SULT1B1: variants seen among roughly 807,000 people sequenced by gnomAD.
The protein encoded by SULT1B1 is sulfotransferase 1B1.
Under a neutral mutation model 34.6 loss-of-function variants are expected in SULT1B1, and 28 were observed. The ratio of observed to expected loss-of-function variants is 0.81; its 90% CI spans 0.60 to 1.11. The LOEUF (loss-of-function observed/expected upper bound fraction) is 1.11. Among genes scored for constraint, SULT1B1 ranks in the 50% least tolerant of loss-of-function variants. The pLI, the probability that SULT1B1 is intolerant of heterozygous loss-of-function variation, is 0.00. For missense variants in SULT1B1, 374 were observed against 352.2 expected, an observed-to-expected ratio of 1.06 and a Z score of -0.50; for synonymous variants, 147 against 110.2, an observed-to-expected ratio of 1.33 and a Z score of -2.09.
chr4:69,733,211 G>C (rs533045399), intron 6 of SULT1B1, among the ~76,000 whole-genome samples: 1 of 152,178 alleles, frequency 6.6e-6, no homozygotes, highest in East Asian at 1.9e-4. Flanking sequence ...CAGTGGCTAA[G>C]AAATAAGAGG....
intron 3 of SULT1B1, among the ~76,000 whole-genome samples, chr4:69,751,459 T>C (rs1718977423): frequency 6.6e-6 from 1 of 152,218 alleles, no homozygotes; most frequent in Non-Finnish European, 1.5e-5. Flanking sequence ...AGTTTGTTTG[T>C]TTGTTTATTT....
chr4:69,759,419 A>G (rs1719312566), intron 1 of SULT1B1, among the ~76,000 whole-genome samples: 1 of 152,220 alleles, frequency 6.6e-6, no homozygotes, highest in Non-Finnish European at 1.5e-5. Context: ...CCCCGTGACA[A>G]AAAGGTCAGG....
At position 69,725,485 on chromosome 4, in the gene SULT1B1, T is replaced by C. The variant is rs1423552683; in HGVS notation, c.*1603A>G. 1 of 152,112 alleles carries C rather than the reference T, an allele frequency of 6.6e-6. No individual in the cohort carries two copies. Among genetic ancestry groups the C allele is most frequent in the Non-Finnish European group, 1.5e-5 (1 of 68,008 alleles). 9.4% of individuals were successfully genotyped at this position (152,112 alleles called of 1,614,324 possible). A position where few individuals can be genotyped will look rare whatever the true frequency, so the allele number is the denominator to read the frequency against. On this transcript the variant is annotated 3_prime_UTR_variant, in exon 8 of 8. Transcript: ENST00000310613. ...TGGCAATTCCTCAGAGATCTAGAAC[T>C]AGAAATACCATTTGACCCAGCCATC...
At chr4:69,747,124 G>A (rs1330825154) in intron 4 of SULT1B1, among the ~76,000 whole-genome samples, 2 of 152,184 alleles carry the variant, frequency 1.3e-5, no homozygotes, top group Non-Finnish European at 2.9e-5. Context: ...AATCAGGGAT[G>A]CTGGCAAAAG....
In SULT1B1 at chr4:69,749,764, G is replaced by T; in HGVS notation, c.332C>A (p.Pro111Gln). Residue 111 changes from proline (P) to glutamine (Q), a missense_variant, in exon 4 of 8, where the codon CCG (proline) becomes CAG (glutamine). Pro to Gln is a moderately conservative substitution (Grantham distance 76). Coordinates refer to ENST00000310613, the MANE Select transcript of SULT1B1 (RefSeq NM_014465.4). ...PSPRIVKTHL[P>Q]TDLLPKSFWE... Reference sequence around the variant, plus strand: ...GAAAGATTTAGGAAGAAGATCAGTCGGTAGATGTGTTTTCACAATCCGGGG... The same window carrying T: ...GAAAGATTTAGGAAGAAGATCAGTCTGTAGATGTGTTTTCACAATCCGGGG... The T allele has an allele frequency of 6.2e-7, 1 of 1,613,568 alleles. No individual in the cohort carries two copies.
In SULT1B1 at chr4:69,725,511, C is replaced by T. The variant is rs1717800393; in HGVS notation, c.*1577G>A. ...AGAAATACCATTTGACCCAGCCATC[C>T]CATTACTGGGTATATACCCAAAGGA... On this transcript the variant is annotated 3_prime_UTR_variant, in exon 8 of 8. Transcript: ENST00000310613. The T allele has an allele frequency of 6.6e-6, 1 of 152,102 alleles. No individual in the cohort carries two copies. The highest frequency in any genetic ancestry group is 2.4e-5 in the African/African-American group (1 of 41,404). The allele number at this position is 152,102 out of a possible 1,614,324, so 9.4% of individuals were successfully genotyped here. A position where few individuals can be genotyped will look rare whatever the true frequency, so the allele number is the denominator to read the frequency against.
rs1447780113 is a variant in SULT1B1, at chr4:69,724,251, G to T, written c.*2837C>A. 5.9e-5 allele frequency: 9 copies of T among 152,054 alleles called. No homozygotes were observed. Among genetic ancestry groups the T allele is most frequent in the African/African-American group, 9.6e-5 (4 of 41,488 alleles). 9.4% of individuals were successfully genotyped at this position (152,054 alleles called of 1,614,324 possible). ...CAATAACAGACAGAGAGCCAAATCA[G>T]GAGTGAACTCCCATTCACAATTGCT... On this transcript the variant is annotated 3_prime_UTR_variant, in exon 8 of 8. Coordinates refer to ENST00000310613, the MANE Select transcript of SULT1B1 (RefSeq NM_014465.4).
chr4:69,749,461 T>C (rs984563837), intron 4 of SULT1B1, among the ~76,000 whole-genome samples: 7 of 152,114 alleles, frequency 4.6e-5, no homozygotes, highest in African/African-American at 1.7e-4. Context: ...CCTGAAGATC[T>C]AGGGAGAGTT....
chr4:69,726,145 A>C lies in SULT1B1; in HGVS notation c.*943T>G, dbSNP rs1398360620. 1 of 145,734 alleles carries C rather than the reference A, an allele frequency of 6.9e-6. No homozygotes were observed. Among genetic ancestry groups the C allele is most frequent in the Non-Finnish European group, 1.5e-5 (1 of 66,184 alleles). 9.0% of individuals were successfully genotyped at this position (145,734 alleles called of 1,614,324 possible). A position where few individuals can be genotyped will look rare whatever the true frequency, so the allele number is the denominator to read the frequency against. ...TAGATATAAGCATGTAATAATAAGT[A>C]GAAGGAACATTGGGTCAAGAGGGCA... On this transcript the variant is annotated 3_prime_UTR_variant, in exon 8 of 8. Coordinates refer to ENST00000310613, the MANE Select transcript of SULT1B1 (RefSeq NM_014465.4).
chr4:69,759,125 G>T (rs1299395600), intron 1 of SULT1B1, among the ~76,000 whole-genome samples: 2 of 152,200 alleles, frequency 1.3e-5, no homozygotes, highest in Non-Finnish European at 2.9e-5. Context: ...TACTGATTGT[G>T]CTTCATGTAT....
intron 6 of SULT1B1, among the ~76,000 whole-genome samples, chr4:69,732,549 G>A (rs570810349): frequency 2.0e-5 from 3 of 151,876 alleles, no homozygotes; most frequent in African/African-American, 4.8e-5. Context: ...GACAAACTTC[G>A]TAATTTTCAT....
intron 4 of SULT1B1, among the ~76,000 whole-genome samples, chr4:69,734,687 TACC>T (rs1718228826): frequency 6.6e-6 from 1 of 151,992 alleles, no homozygotes; most frequent in African/African-American, 2.4e-5. Context: ...ACCAGTGAAA[TACC>T]GAGAAAAATA....
At chr4:69,751,943 C>T (rs1248714759) in intron 3 of SULT1B1, among the ~76,000 whole-genome samples, 1 of 152,188 alleles carries the variant, frequency 6.6e-6, no homozygotes, top group African/African-American at 2.4e-5. Flanking sequence ...GTTCTGAAGT[C>T]TTGCCTCCCT....
Position 69,725,380 on chromosome 4 carries a change from G to A in SULT1B1, c.*1708C>T, listed in dbSNP as rs1717794968. 6.6e-6 allele frequency: 1 copy of A among 152,126 alleles called. No individual in the cohort carries two copies. Among genetic ancestry groups the A allele is most frequent in the South Asian group, 2.1e-4 (1 of 4,830 alleles). 9.4% of individuals were successfully genotyped at this position (152,126 alleles called of 1,614,324 possible). A position where few individuals can be genotyped will look rare whatever the true frequency, so the allele number is the denominator to read the frequency against. On this transcript the variant is annotated 3_prime_UTR_variant, in exon 8 of 8. Coordinates refer to ENST00000310613, the MANE Select transcript of SULT1B1 (RefSeq NM_014465.4). ...AAAAAGTCAGGAAACAACAGGTGCT[G>A]GAAAGGATGTGGAGAAATAGGAACA...
At chr4:69,729,954 C>T (rs777562944) in intron 7 of SULT1B1, among the ~76,000 whole-genome samples, 1 of 152,028 alleles carries the variant, frequency 6.6e-6, no homozygotes, top group African/African-American at 2.4e-5. Context: ...CAGTAAATGC[C>T]ATATTCTTCT....
intron 5 of SULT1B1, among the ~76,000 whole-genome samples, chr4:69,733,922 A>G (rs1718188477): frequency 6.6e-6 from 1 of 152,192 alleles, no homozygotes. Context: ...AGAACAGATT[A>G]TAGAATACTT....
At chr4:69,727,653 A>G (rs1183088767) in intron 7 of SULT1B1, among the ~76,000 whole-genome samples, 1 of 152,066 alleles carries the variant, frequency 6.6e-6, no homozygotes, top group East Asian at 1.9e-4. Flanking sequence ...AAAAGTTGAT[A>G]AGTATCATTT....
intron 4 of SULT1B1, among the ~76,000 whole-genome samples, chr4:69,736,640 T>C (rs541859793): frequency 8.6e-5 from 13 of 151,560 alleles, no homozygotes; most frequent in Non-Finnish European, 4.4e-5. Flanking sequence ...GAAAAGAAAT[T>C]GGAGTTATAT....
chr4:69,755,022 A>G (rs1245202431), intron 2 of SULT1B1, 48 bp downstream of exon 2: 1 of 1,504,714 alleles, frequency 6.6e-7, no homozygotes, highest in Non-Finnish European at 9.1e-7. Context: ...GATTTCCAGG[A>G]AACAAAAAAT....
Sources: allele counts gnomAD v4.1 joint callset (sites outside exome capture counted in the v4.1 genomes callset), GRCh38; gene constraint gnomAD v4.1.1; transcripts MANE v1.5; gene names NCBI Gene and HGNC (gene_info 2026-07-23, HGNC 2026-07-21).